The following VPS13B variants were observed in gnomAD, a reference collection of about 807,000 sequenced individuals.
VPS13B encodes vacuolar protein sorting 13 homolog B, also known as intermembrane lipid transfer protein VPS13B.
Under a neutral mutation model 426.4 loss-of-function variants are expected in VPS13B, and 285 were observed. The observed-to-expected ratio is 0.67, with a 90% CI of 0.61 to 0.74. The LOEUF is 0.74. Ranked by LOEUF, VPS13B falls within the 30% of genes least tolerant of loss-of-function variation. VPS13B has a pLI of 0.00. For synonymous variants in VPS13B, 1,676 were observed against 1,676.4 expected, an observed-to-expected ratio of 1.00 and a Z score of 0.01; for missense variants, 4,537 against 4,782.6, an observed-to-expected ratio of 0.95 and a Z score of 1.51.
intron 19 of VPS13B, among the ~76,000 whole-genome samples, chr8:99,291,591 C>A (rs1376562531): frequency 3.9e-5 from 6 of 152,184 alleles, no homozygotes; most frequent in Admixed American, 3.9e-4. Flanking sequence ...TATACACATA[C>A]AACTAATTCT....
rs1025497709 is a variant in VPS13B at position 99,130,495 on chromosome 8, C to T, written c.1207-4137C>T. Among the ~76,000 whole-genome samples the T allele has an allele frequency of 7.9e-5, 12 of 150,960 alleles. No homozygotes were observed. In the East Asian group the frequency reaches 2.4e-3, roughly 30 times the overall value. On this transcript the variant is annotated intron_variant, in intron 8 of 61. Coordinates refer to ENST00000357162, the MANE Select transcript of VPS13B (RefSeq NM_152564.5). ...CTCTGCCTCCCGGGTTCACGCCATT[C>T]TCCTGCCTCAGCCTCCCCAGTAGCT...
intron 3 of VPS13B, among the ~76,000 whole-genome samples, chr8:99,067,550 A>G (rs894054173): frequency 2.6e-5 from 4 of 152,232 alleles, no homozygotes; most frequent in Non-Finnish European, 4.4e-5. Context: ...GTAAATGATC[A>G]GTTAATGGGT....
chr8:99,677,654 T>A (rs1830996165), intron 35 of VPS13B, among the ~76,000 whole-genome samples: 1 of 152,164 alleles, frequency 6.6e-6, no homozygotes, highest in African/African-American at 2.4e-5. Context: ...CAAAGAGTCA[T>A]AGAGGCTGGT....
chr8:99,029,144 G>A (rs557813157), intron 2 of VPS13B, among the ~76,000 whole-genome samples: 10 of 148,020 alleles, frequency 6.8e-5, no homozygotes, highest in East Asian at 6.2e-4. Flanking sequence ...CAGACAGGGC[G>A]GCGGGGCAGA....
At chr8:99,145,519 C>A (rs1161414733) in intron 13 of VPS13B, among the ~76,000 whole-genome samples, 1 of 143,772 alleles carries the variant, frequency 7.0e-6, no homozygotes, top group Non-Finnish European at 1.5e-5. Context: ...TTTTGTCTTC[C>A]ATTTCTAAAA....
intron 35 of VPS13B, among the ~76,000 whole-genome samples, chr8:99,699,285 C>G (rs1034318624): frequency 6.6e-6 from 1 of 151,820 alleles, no homozygotes; most frequent in Non-Finnish European, 1.5e-5. Flanking sequence ...CAGGGCCACA[C>G]ATGTCACAAG....
intron 5 of VPS13B, among the ~76,000 whole-genome samples, chr8:99,103,589 C>G (rs1049716893): frequency 2.6e-5 from 4 of 151,084 alleles, no homozygotes; most frequent in Non-Finnish European, 5.9e-5. Flanking sequence ...AGTTCCACCT[C>G]CCCGGGTTCA....
chr8:99,450,726 A>T (rs187173564), intron 23 of VPS13B, among the ~76,000 whole-genome samples: 22 of 151,954 alleles, frequency 1.4e-4, no homozygotes, highest in African/African-American at 4.1e-4. Context: ...AGAAAAAAAA[A>T]TTTTTTTCTT....
chr8:99,313,119 T>G (rs541687632), intron 19 of VPS13B, among the ~76,000 whole-genome samples: 1 of 152,352 alleles, frequency 6.6e-6, no homozygotes, highest in South Asian at 2.1e-4. Flanking sequence ...TCGAACTTCC[T>G]TCTTTAGCTC....
At chr8:99,370,165 A>G (rs971856441) in intron 19 of VPS13B, among the ~76,000 whole-genome samples, 2 of 152,238 alleles carry the variant, frequency 1.3e-5, no homozygotes, top group African/African-American at 4.8e-5. Context: ...TTGGCATTGG[A>G]TGTAATTTGA....
At chr8:99,344,539 C>G in intron 19 of VPS13B, among the ~76,000 whole-genome samples, 1 of 152,110 alleles carries the variant, frequency 6.6e-6, no homozygotes, top group East Asian at 1.9e-4. Context: ...CATTATATTT[C>G]CTTTAGAAGA....
At chr8:99,530,305 T>G (rs1484714584) in intron 30 of VPS13B, among the ~76,000 whole-genome samples, 1 of 152,136 alleles carries the variant, frequency 6.6e-6, no homozygotes, top group Non-Finnish European at 1.5e-5. Context: ...GCAATTATAA[T>G]ATAATAATAG....
intron 19 of VPS13B, among the ~76,000 whole-genome samples, chr8:99,316,640 G>A (rs548731800): frequency 7.4e-4 from 112 of 152,034 alleles, no homozygotes; most frequent in Non-Finnish European, 1.2e-3. Context: ...GGTCGCAGCC[G>A]GTCCCAGTCA....
chr8:99,409,913 A>G (rs1172104879), intron 21 of VPS13B, among the ~76,000 whole-genome samples: 1 of 152,174 alleles, frequency 6.6e-6, no homozygotes, highest in East Asian at 1.9e-4. Context: ...TTTTCACTTC[A>G]TAACTCAGGA....
At chr8:99,444,632 G>T (rs1817825484) in intron 23 of VPS13B, among the ~76,000 whole-genome samples, 1 of 151,706 alleles carries the variant, frequency 6.6e-6, no homozygotes, top group African/African-American at 2.4e-5. Context: ...TTTTCGTGCT[G>T]GTTGGCCATT....
intron 23 of VPS13B, among the ~76,000 whole-genome samples, chr8:99,457,556 T>G (rs1469834648): frequency 2.0e-5 from 3 of 152,190 alleles, no homozygotes; most frequent in Non-Finnish European, 4.4e-5. Context: ...TTAATTTCGT[T>G]GATTTTTTTC....
At chr8:99,476,793 T>C (rs1819715481) in intron 24 of VPS13B, among the ~76,000 whole-genome samples, 1 of 152,172 alleles carries the variant, frequency 6.6e-6, no homozygotes, top group African/African-American at 2.4e-5. Flanking sequence ...CTATCACCAG[T>C]AGGAACTGCA....
At chr8:99,270,516 A>G (rs987395747) in intron 17 of VPS13B, among the ~76,000 whole-genome samples, 2 of 152,114 alleles carry the variant, frequency 1.3e-5, no homozygotes, top group Non-Finnish European at 2.9e-5. Context: ...ATTAAGAAAT[A>G]CTTATTATTT....
intron 2 of VPS13B, among the ~76,000 whole-genome samples, chr8:99,018,062 TG>T (rs1841708105): frequency 6.6e-6 from 1 of 152,196 alleles, no homozygotes; most frequent in Non-Finnish European, 1.5e-5. Context: ...CCTCTTTTTA[TG>T]GATGTTTAAG....
Sources: gnomAD v4.1 joint callset for allele counts (sites outside exome capture counted in the v4.1 genomes callset) on GRCh38, gnomAD v4.1.1 for gene constraint, MANE v1.5 for transcripts, NCBI Gene and HGNC (gene_info 2026-07-23, HGNC 2026-07-21) for gene names.